MTHFS: variants seen among roughly 807,000 people sequenced by gnomAD.
MTHFS encodes methenyltetrahydrofolate synthetase.
A neutral mutation model predicts 12.7 loss-of-function variants in MTHFS; 7 were observed. The observed-to-expected ratio is 0.55, with a 90% CI of 0.31 to 1.03. MTHFS has a LOEUF of 1.03. Among genes scored for constraint, MTHFS ranks in the 50% least tolerant of loss-of-function variants. The probability of loss-of-function intolerance (pLI) is 0.05; values close to 1 mark genes in which losing one functional copy is unlikely to be tolerated. For synonymous variants in MTHFS, 100 were observed against 97.1 expected (o/e 1.03, Z -0.18); for missense variants, 252 against 258.1 (o/e 0.98, Z 0.16).
Position 79,845,315 on chromosome 15 carries a change from G to A in MTHFS, c.507C>T (p.Tyr169=), listed in dbSNP as rs1227082440. The part of the protein sequence containing the change: ...RCLQHQEVKP[Y]TLALAFKEQI... ...GTTCTTTGAAAGCCAACGCCAGGGT[G>A]TAGGGCTTCACTTCCTGATGCTGCA... The change falls in exon 3 of 3, where the codon TAC becomes TAT. Residue 169 remains tyrosine, a synonymous_variant. Coordinates refer to ENST00000258874, the MANE Select transcript of MTHFS (RefSeq NM_006441.4). The A allele has an allele frequency of 6.2e-7, 1 of 1,614,178 alleles. No homozygotes were observed. The highest frequency in any genetic ancestry group is 8.5e-7 in the Non-Finnish European group (1 of 1,180,030).
At chr15:79,882,322 A>T (rs2034309714) in intron 2 of MTHFS, among the ~76,000 whole-genome samples, 1 of 152,172 alleles carries the variant, frequency 6.6e-6, no homozygotes, top group South Asian at 2.1e-4. Flanking sequence ...GTCTCCACAG[A>T]ATATTATTAA....
At chr15:79,888,364 C>A (rs1267873969) in intron 2 of MTHFS, among the ~76,000 whole-genome samples, 1 of 151,950 alleles carries the variant, frequency 6.6e-6, no homozygotes, top group Admixed American at 6.6e-5. Flanking sequence ...AATCTAAGGG[C>A]AATAGTAAGT....
chr15:79,896,666 G>A (rs1180316305), intron 1 of MTHFS: 12 of 891,204 alleles, frequency 1.3e-5, no homozygotes, highest in African/African-American at 5.3e-5. Flanking sequence ...TTTCACTACC[G>A]GGCCCTCTCC....
chr15:79,845,354 A>C lies in MTHFS; in HGVS notation c.468T>G (p.Tyr156Ter). 1 of 1,614,168 alleles carries C rather than the reference A, an allele frequency of 6.2e-7. No homozygotes were observed. The highest frequency in any genetic ancestry group is 2.2e-5 in the East Asian group (1 of 44,888). ...CCTGATGCTGCAAACAGCGCTTCAG[A>C]TAGGCATCATAGTAGCCCTTGCCCC... The part of the protein sequence containing the change: ...LGRGKGYYDA[Y>*]LKRCLQHQEV... Residue 156 changes from tyrosine to a stop codon, truncating the protein, a stop_gained, in exon 3 of 3, where the codon TAT becomes TAG. Transcript: ENST00000258874. LOFTEE classifies it low-confidence loss of function (END_TRUNC).
Position 79,889,297 on chromosome 15 carries a change from G to C in MTHFS, c.175C>G (p.Gln59Glu), listed in dbSNP as rs1458366894. The change falls in exon 2 of 3, where the codon CAA becomes GAA. Residue 59 changes from glutamine to glutamate, a missense_variant. Coordinates refer to ENST00000258874, the MANE Select transcript of MTHFS (RefSeq NM_006441.4). The stretch of plus-strand genomic sequence containing the variant: ...ATCTCTTCTGTCTCAATTTCATCTT[G>C]CATGCTCAGAAAGATGGAAATTCTT... ...SKRISIFLSMQDEIETEEIIK... is the reference protein window; with the variant it reads ...SKRISIFLSMEDEIETEEIIK... 1 of 1,613,996 alleles carries C rather than the reference G, an allele frequency of 6.2e-7. No individual in the cohort carries two copies. The highest frequency in any genetic ancestry group is 8.5e-7 in the Non-Finnish European group (1 of 1,180,044).
rs549900169 is a variant in MTHFS, at chr15:79,865,542, G to A, written c.380-20100C>T. Among the ~76,000 whole-genome samples the A allele has an allele frequency of 3.0e-4, 46 of 152,322 alleles. 2 individuals are homozygous for A. The highest frequency in any genetic ancestry group is 1.1e-3 in the African/African-American group (44 of 41,584). On this transcript the variant is annotated intron_variant, in intron 2 of 2. Coordinates refer to ENST00000258874, the MANE Select transcript of MTHFS (RefSeq NM_006441.4). Reference sequence around the variant, plus strand: ...GAGGAGCAGGTATACGTATCGTAACGATGGGTCTCTGGGCAGCAAGTTGCT... The same window carrying A: ...GAGGAGCAGGTATACGTATCGTAACAATGGGTCTCTGGGCAGCAAGTTGCT...
rs1483482504 is a variant in MTHFS at position 79,844,072 on chromosome 15, G to A, written c.*1138C>T. 1 of 152,268 alleles carries A rather than the reference G, an allele frequency of 6.6e-6. No homozygotes were observed. The highest frequency in any genetic ancestry group is 1.5e-5 in the Non-Finnish European group (1 of 68,082). The allele number at this position is 152,268 out of a possible 1,614,324, so 9.4% of individuals were successfully genotyped here. On this transcript the variant is annotated 3_prime_UTR_variant, in exon 3 of 3. Transcript: ENST00000258874. ...AGAGAAGAGGCTAGAAAAAGTAGAT[G>A]AGGAGACCTCTCTTAAGGGGCTTTG...
intron 2 of MTHFS, among the ~76,000 whole-genome samples, chr15:79,854,913 A>G (rs1596063622): frequency 6.6e-6 from 1 of 152,212 alleles, no homozygotes; most frequent in African/African-American, 2.4e-5. Flanking sequence ...GTTGCTGCAG[A>G]CTGAAAAGTG....
chr15:79,865,362 G>A (rs558883180), intron 2 of MTHFS, among the ~76,000 whole-genome samples: 2 of 152,164 alleles, frequency 1.3e-5, no homozygotes, highest in African/African-American at 4.8e-5. Flanking sequence ...AACCAGGAAA[G>A]AATGCCATAT....
chr15:79,847,785 T>A lies in MTHFS; in HGVS notation c.380-2343A>T, dbSNP rs62027982. Among the ~76,000 whole-genome samples, 950 of 150,152 alleles carry A rather than the reference T, an allele frequency of 6.3e-3. 6 individuals carry two copies. Among genetic ancestry groups the A allele is most frequent in the South Asian group, 1.0e-2 (47 of 4,706 alleles). On this transcript the variant is annotated intron_variant, in intron 2 of 2. Coordinates refer to ENST00000258874, the MANE Select transcript of MTHFS (RefSeq NM_006441.4). ...TCACTGATCATCAGGGAAATACAAA[T>A]CAAAACTTCAATGAAATACCACCCC... is the stretch of plus-strand genomic sequence containing the variant.
intron 2 of MTHFS, among the ~76,000 whole-genome samples, chr15:79,858,456 G>T (rs1384593472): frequency 6.6e-6 from 1 of 152,120 alleles, no homozygotes; most frequent in Non-Finnish European, 1.5e-5. Flanking sequence ...AGAACACCTG[G>T]GTTTTAGCCC....
At chr15:79,897,270 C>T (rs2034600299), upstream of MTHFS, 1 of 451,220 alleles carries the variant, frequency 2.2e-6, no homozygotes, top group Non-Finnish European at 3.9e-6. Flanking sequence ...GCCGCCTGAC[C>T]TCCCTGAGCC....
At chr15:79,848,061 T>C (rs752625934) in intron 2 of MTHFS, among the ~76,000 whole-genome samples, 1 of 152,194 alleles carries the variant, frequency 6.6e-6, no homozygotes, top group Non-Finnish European at 1.5e-5. Context: ...CCCACGTTCA[T>C]TGCACCATTA....
intron 2 of MTHFS, among the ~76,000 whole-genome samples, chr15:79,858,427 GAA>G (rs202050005): frequency 0.058 from 8,804 of 152,258 alleles, 358 homozygotes; most frequent in Non-Finnish European, 0.089. Context: ...TTTCAGAAAG[GAA>G]AAGTCTTTTG....
chr15:79,886,921 C>T (rs1299216461), intron 2 of MTHFS, among the ~76,000 whole-genome samples: 2 of 152,182 alleles, frequency 1.3e-5, no homozygotes, highest in Non-Finnish European at 2.9e-5. Flanking sequence ...TATTCGATAG[C>T]TCCTATGTGA....
chr15:79,868,526 T>C (rs776660894), intron 2 of MTHFS, among the ~76,000 whole-genome samples: 6 of 152,246 alleles, frequency 3.9e-5, no homozygotes, highest in Non-Finnish European at 7.3e-5. Context: ...ATATTATTTC[T>C]ATGTGTGTCT....
chr15:79,851,082 C>T (rs774227187), intron 2 of MTHFS, among the ~76,000 whole-genome samples: 7 of 152,144 alleles, frequency 4.6e-5, no homozygotes, highest in Non-Finnish European at 1.0e-4. Context: ...TATGTGGGCA[C>T]CTTCCTATCT....
At chr15:79,848,876 T>G (rs1001258560) in intron 2 of MTHFS, among the ~76,000 whole-genome samples, 1 of 152,300 alleles carries the variant, frequency 6.6e-6, no homozygotes, top group African/African-American at 2.4e-5. Context: ...AATAGAATTT[T>G]AGGCCAAAGA....
chr15:79,879,321 C>CT (rs565488885), intron 2 of MTHFS, among the ~76,000 whole-genome samples: 8,982 of 79,460 alleles, frequency 0.11, 754 homozygotes, highest in African/African-American at 0.15. Context: ...AATTATTACC[C>CT]TTTTTTTTTT....
Sources: allele counts gnomAD v4.1 joint callset (sites outside exome capture counted in the v4.1 genomes callset), GRCh38; gene constraint gnomAD v4.1.1; transcripts MANE v1.5; gene names NCBI Gene and HGNC (gene_info 2026-07-23, HGNC 2026-07-21).